GRIN2A: variants seen among roughly 807,000 people sequenced by gnomAD.
GRIN2A encodes glutamate receptor ionotropic, NMDA 2A.
GRIN2A carries 22 observed loss-of-function variants against 113.4 expected under a neutral mutation model. That is an observed-to-expected ratio of 0.19 (90% confidence interval 0.14 to 0.28). The LOEUF is 0.28. Among genes scored for constraint, GRIN2A ranks in the 10% least tolerant of loss-of-function variants. The pLI is 1.00. For missense variants in GRIN2A, 1,502 were observed against 1,887.0 expected (o/e 0.80, Z 3.78); for synonymous variants, 827 against 738.4 (o/e 1.12, Z -1.94).
chr16:9,904,810 T>C (rs920995645), intron 3 of GRIN2A, among the ~76,000 whole-genome samples: 30 of 152,310 alleles, frequency 2.0e-4, no homozygotes, highest in African/African-American at 7.2e-4. Flanking sequence ...AAACTTTCAG[T>C]CCATAACAAC....
intron 2 of GRIN2A, among the ~76,000 whole-genome samples, chr16:10,055,986 C>G (rs527258370): frequency 6.6e-6 from 1 of 152,256 alleles, no homozygotes; most frequent in South Asian, 2.1e-4. Context: ...AGAGACAGCT[C>G]CAGGCTGGAT....
chr16:10,091,803 A>C (rs932652268), intron 2 of GRIN2A, among the ~76,000 whole-genome samples: 1 of 152,230 alleles, frequency 6.6e-6, no homozygotes, highest in African/African-American at 2.4e-5. Context: ...ATTTACATTA[A>C]ATTTCCAGAA....
chr16:9,806,142 A>G (rs2041961383), intron 10 of GRIN2A, among the ~76,000 whole-genome samples: 2 of 152,194 alleles, frequency 1.3e-5, no homozygotes, highest in Non-Finnish European at 2.9e-5. Context: ...ACTTTTTTGG[A>G]AACATTTTTA....
chr16:10,039,691 C>A (rs1209762146), intron 2 of GRIN2A, among the ~76,000 whole-genome samples: 1 of 150,078 alleles, frequency 6.7e-6, no homozygotes, highest in Non-Finnish European at 1.5e-5. Context: ...TGGGAGGGGC[C>A]TTTCGAAGGA....
chr16:9,794,985 C>T (rs766313508), intron 11 of GRIN2A, among the ~76,000 whole-genome samples: 10 of 151,256 alleles, frequency 6.6e-5, no homozygotes, highest in South Asian at 2.1e-4. Context: ...TGGTGATGAT[C>T]GTGGTAATGA....
intron 4 of GRIN2A, among the ~76,000 whole-genome samples, chr16:9,890,219 A>G (rs2043667464): frequency 6.6e-6 from 1 of 152,238 alleles, no homozygotes. Flanking sequence ...TAACAACGTA[A>G]CAACAAAGGC....
chr16:10,038,344 T>C (rs1430975420), intron 2 of GRIN2A, among the ~76,000 whole-genome samples: 3 of 152,136 alleles, frequency 2.0e-5, no homozygotes, highest in Admixed American at 2.0e-4. Flanking sequence ...AGGGGGACGC[T>C]AACATTCAAA....
At chr16:10,095,732 G>C (rs1238115451) in intron 2 of GRIN2A, among the ~76,000 whole-genome samples, 5 of 152,160 alleles carry the variant, frequency 3.3e-5, no homozygotes, top group Non-Finnish European at 5.9e-5. Flanking sequence ...AGAGGAAATA[G>C]CAACTTTACA....
chr16:9,984,934 G>A (rs887332167), intron 2 of GRIN2A, among the ~76,000 whole-genome samples: 4 of 151,992 alleles, frequency 2.6e-5, no homozygotes, highest in Non-Finnish European at 5.9e-5. Context: ...CCTAATAAAC[G>A]TATCTGCGAT....
intron 2 of GRIN2A, among the ~76,000 whole-genome samples, chr16:10,053,685 C>G (rs2047397262): frequency 1.3e-5 from 2 of 152,314 alleles, no homozygotes; most frequent in East Asian, 3.9e-4. Flanking sequence ...CCTGCTGTTA[C>G]AACGTCCTTC....
chr16:10,050,922 T>C (rs1567263017), intron 2 of GRIN2A, among the ~76,000 whole-genome samples: 1 of 152,188 alleles, frequency 6.6e-6, no homozygotes, highest in South Asian at 2.1e-4. Context: ...ATATAATTTA[T>C]ATAATAAATA....
chr16:10,181,167 T>TCACTCAACTGCAAGTAGGCCCAGGACC (rs59151958), intron 1 of GRIN2A, among the ~76,000 whole-genome samples: 1 of 151,816 alleles, frequency 6.6e-6, no homozygotes, highest in Non-Finnish European at 1.5e-5. Flanking sequence ...GGAGAGTCCT[T>TCACTCAACTGCAAGTAGGCCCAGGACC]CACCCCTACA....
intron 2 of GRIN2A, among the ~76,000 whole-genome samples, chr16:10,083,932 T>C (rs1312491355): frequency 6.6e-6 from 1 of 152,048 alleles, no homozygotes; most frequent in African/African-American, 2.4e-5. Context: ...TGAAACCCTG[T>C]CTCTACAAAA....
chr16:10,174,957 G>C (rs918329124), intron 2 of GRIN2A, among the ~76,000 whole-genome samples: 2 of 152,126 alleles, frequency 1.3e-5, no homozygotes, highest in Non-Finnish European at 1.5e-5. Flanking sequence ...AGTACACAAT[G>C]CTGGTCCCAT....
chr16:9,952,984 T>A (rs2045218530), intron 2 of GRIN2A, among the ~76,000 whole-genome samples: 1 of 152,166 alleles, frequency 6.6e-6, no homozygotes, highest in African/African-American at 2.4e-5. Context: ...ATGAAAGAAT[T>A]TTTTAGCAGC....
At chr16:9,849,650 T>C in intron 5 of GRIN2A, 106 bp downstream of exon 5, 1 of 894,114 alleles carries the variant, frequency 1.1e-6, no homozygotes. Flanking sequence ...ACGACGTGTA[T>C]TTTCTATGAC....
In GRIN2A at chr16:10,182,196, G is replaced by A. The variant is rs987071073; in HGVS notation, c.-338C>T. 8.5e-5 allele frequency: 13 copies of A among 153,072 alleles called. No individual in the cohort carries two copies. In the East Asian group the frequency reaches 2.5e-3, roughly 29 times the overall value. 9.5% of individuals were successfully genotyped at this position (153,072 alleles called of 1,614,324 possible). ...TGCGCCCAGGGGGGCTAGACAAGAGGGGGGAAGCTGAAGCCCGATGCCCAC... is the reference window on the plus strand; with the variant it reads ...TGCGCCCAGGGGGGCTAGACAAGAGAGGGGAAGCTGAAGCCCGATGCCCAC... On this transcript the variant is annotated 5_prime_UTR_variant, in exon 1 of 13. Transcript: ENST00000330684.
chr16:10,155,745 G>C (rs986687577), intron 2 of GRIN2A, among the ~76,000 whole-genome samples: 1 of 152,124 alleles, frequency 6.6e-6, no homozygotes, highest in South Asian at 2.1e-4. Context: ...TGAGAAGCAA[G>C]GTCACATCTT....
chr16:9,960,866 T>G (rs1454374824), intron 2 of GRIN2A, among the ~76,000 whole-genome samples: 2 of 152,182 alleles, frequency 1.3e-5, no homozygotes, highest in Non-Finnish European at 2.9e-5. Flanking sequence ...ACTAAAGTGA[T>G]CCTCCTGCCT....
Sources: allele counts gnomAD v4.1 joint callset (sites outside exome capture counted in the v4.1 genomes callset), GRCh38; gene constraint gnomAD v4.1.1; transcripts MANE v1.5; gene names NCBI Gene and HGNC (gene_info 2026-07-23, HGNC 2026-07-21).